SLC27A2: variants seen among roughly 807,000 people sequenced by gnomAD.
SLC27A2 encodes the protein solute carrier family 27 member 2, also known as long-chain fatty acid transport protein 2.
SLC27A2 carries 54 observed loss-of-function variants against 60.0 expected under a neutral mutation model. That is an observed-to-expected ratio of 0.90 (90% CI 0.72 to 1.13). The LOEUF is 1.13. Ranked by LOEUF, SLC27A2 falls within the 50% of genes most tolerant of loss-of-function variation. The pLI is 0.00. For synonymous variants in SLC27A2, 297 were observed against 297.6 expected (o/e 1.00, Z 0.02); for missense variants, 739 against 777.6 (o/e 0.95, Z 0.59).
At chr15:50,187,215 C>G (rs2044931812) in intron 1 of SLC27A2, among the ~76,000 whole-genome samples, 1 of 152,172 alleles carries the variant, frequency 6.6e-6, no homozygotes, top group Non-Finnish European at 1.5e-5. Context: ...ATGACTTTCT[C>G]TCTGTTGTAC....
chr15:50,198,258 C>T (rs913744932), intron 2 of SLC27A2: 1 of 150,126 alleles, frequency 6.7e-6, no homozygotes, highest in African/African-American at 2.5e-5. Flanking sequence ...GTAAGCTGCC[C>T]CATTATGAGC....
chr15:50,220,409 C>T (rs1258775588), intron 4 of SLC27A2, among the ~76,000 whole-genome samples: 1 of 152,138 alleles, frequency 6.6e-6, no homozygotes, highest in Non-Finnish European at 1.5e-5. Context: ...CATTTGGCCT[C>T]AAAGGAGTTT....
chr15:50,225,550 T>G (rs2045272531), intron 5 of SLC27A2, among the ~76,000 whole-genome samples: 1 of 152,228 alleles, frequency 6.6e-6, no homozygotes, highest in Admixed American at 6.5e-5. Context: ...CATAACAGCT[T>G]TATTTATAAT....
intron 1 of SLC27A2, among the ~76,000 whole-genome samples, chr15:50,188,125 G>T (rs1333509704): frequency 6.6e-6 from 1 of 152,148 alleles, no homozygotes; most frequent in African/African-American, 2.4e-5. Context: ...ACACCCAGTA[G>T]AATGTGCTCA....
intron 4 of SLC27A2, among the ~76,000 whole-genome samples, chr15:50,210,280 G>T (rs952951920): frequency 1.3e-5 from 2 of 152,164 alleles, no homozygotes; most frequent in African/African-American, 4.8e-5. Flanking sequence ...GAAGTGGATT[G>T]CTCCTAGAGG....
chr15:50,223,302 C>G, intron 5 of SLC27A2, 143 bp downstream of exon 5: 1 of 563,106 alleles, frequency 1.8e-6, no homozygotes. Flanking sequence ...AAGTTTTGCT[C>G]ATTCTCTGTG....
chr15:50,207,492 A>T (rs75238351), intron 4 of SLC27A2, among the ~76,000 whole-genome samples: 1,984 of 152,192 alleles, frequency 0.013, 20 homozygotes, highest in Non-Finnish European at 0.022. Context: ...AGATTTTTTT[A>T]AATTATAGGT....
At chr15:50,227,288 G>A (rs1454976678) in intron 7 of SLC27A2, 110 bp downstream of exon 7, 2 of 797,966 alleles carry the variant, frequency 2.5e-6, no homozygotes, top group African/African-American at 3.4e-5. Context: ...CTCTATCTTT[G>A]GCACATCAGG....
chr15:50,209,984 GCAAGTCC>G (rs765471761), intron 4 of SLC27A2, among the ~76,000 whole-genome samples: 7 of 152,188 alleles, frequency 4.6e-5, no homozygotes, highest in Non-Finnish European at 7.3e-5. Context: ...AACTTAAGAG[GCAAGTCC>G]CAACAGGAAG....
intron 4 of SLC27A2, among the ~76,000 whole-genome samples, chr15:50,220,455 A>T (rs2045234437): frequency 6.6e-6 from 1 of 152,232 alleles, no homozygotes; most frequent in Non-Finnish European, 1.5e-5. Context: ...TCACCATCCA[A>T]TAGACAAGGA....
chr15:50,212,619 A>G (rs1595687892), intron 4 of SLC27A2, among the ~76,000 whole-genome samples: 1 of 152,180 alleles, frequency 6.6e-6, no homozygotes. Flanking sequence ...GCTAGAAGGG[A>G]TTGGGGCCCT....
At chr15:50,189,330 C>T (rs1341226323) in intron 1 of SLC27A2, among the ~76,000 whole-genome samples, 1 of 152,162 alleles carries the variant, frequency 6.6e-6, no homozygotes, top group Non-Finnish European at 1.5e-5. Flanking sequence ...GCGGTGCTCT[C>T]CTTGGGTCTC....
intron 1 of SLC27A2, among the ~76,000 whole-genome samples, chr15:50,189,937 G>A (rs1023445326): frequency 2.0e-5 from 3 of 152,064 alleles, no homozygotes; most frequent in African/African-American, 7.2e-5. Flanking sequence ...ACTTTAACTT[G>A]GAGAAATAAA....
At position 50,194,074 on chromosome 15, in the gene SLC27A2, A is replaced by T. The variant is rs542444406; in HGVS notation, c.479-3426A>T. Among the ~76,000 whole-genome samples, 9 of 152,242 alleles carry T rather than the reference A, an allele frequency of 5.9e-5. No individual in the cohort carries two copies. The East Asian group carries it at 1.7e-3, about 29-fold the overall frequency. On this transcript the variant is annotated intron_variant, in intron 1 of 9. Coordinates refer to ENST00000267842, the MANE Select transcript of SLC27A2 (RefSeq NM_003645.4). ...AATGGGAAAATCACTTGAGCCCAGG[A>T]GGTTGACGCTGCAGTAAGCCATGAT...
intron 4 of SLC27A2, among the ~76,000 whole-genome samples, chr15:50,211,151 A>G (rs2045151623): frequency 6.6e-6 from 1 of 152,192 alleles, no homozygotes; most frequent in Non-Finnish European, 1.5e-5. Context: ...CTTTCTGGAA[A>G]GTACCACCTC....
chr15:50,212,070 C>CAAAAAAAAAAAAAAAAAA (rs1171050015), intron 4 of SLC27A2, among the ~76,000 whole-genome samples: 1 of 48,536 alleles, frequency 2.1e-5, no homozygotes, highest in Non-Finnish European at 4.1e-5. Flanking sequence ...GACTCTGTCT[C>CAAAAAAAAAAAAAAAAAA]AAAAAAAAAA....
intron 4 of SLC27A2, among the ~76,000 whole-genome samples, chr15:50,215,628 T>A (rs1362469638): frequency 6.6e-6 from 1 of 152,184 alleles, no homozygotes; most frequent in Non-Finnish European, 1.5e-5. Flanking sequence ...TGTAGACCAT[T>A]GCCACAGAAT....
At position 50,182,530 on chromosome 15, in the gene SLC27A2, AAG is replaced by A. The variant is rs2044865129; in HGVS notation, c.104_105del (p.Lys35SerfsTer78). The part of the protein sequence containing the change: ...YFFQDIGYFL[K>X]VAAVGRRVRS... ...CTTCCAGGACATAGGCTACTTCTTG[AAG>A]GTGGCCGCCGTGGGCCGGAGGGTGC... On this transcript the variant is annotated frameshift_variant, in exon 1 of 10. Coordinates refer to ENST00000267842, the MANE Select transcript of SLC27A2 (RefSeq NM_003645.4). LOFTEE classifies it high-confidence loss of function. The A allele has an allele frequency of 6.2e-7, 1 of 1,612,474 alleles. No individual in the cohort carries two copies. The highest frequency in any genetic ancestry group is 2.2e-5 in the East Asian group (1 of 44,824).
chr15:50,224,452 G>A (rs2045265589), intron 5 of SLC27A2, among the ~76,000 whole-genome samples: 1 of 152,038 alleles, frequency 6.6e-6, no homozygotes, highest in African/African-American at 2.4e-5. Flanking sequence ...AAAAAAGAAA[G>A]GATTAAATAA....
Sources: gnomAD v4.1 joint callset for allele counts (sites outside exome capture counted in the v4.1 genomes callset) on GRCh38, gnomAD v4.1.1 for gene constraint, MANE v1.5 for transcripts, NCBI Gene and HGNC (gene_info 2026-07-23, HGNC 2026-07-21) for gene names.